The following PDZRN3 variants were observed in gnomAD, a reference collection of about 807,000 sequenced individuals.
The protein encoded by PDZRN3 is E3 ubiquitin-protein ligase PDZRN3.
Under a neutral mutation model 85.7 loss-of-function variants are expected in PDZRN3, and 38 were observed. The ratio of observed to expected loss-of-function variants is 0.44; its 90% CI spans 0.34 to 0.58. The LOEUF (loss-of-function observed/expected upper bound fraction) is 0.58, where lower values mean the gene tolerates loss of function less well. PDZRN3 is among the 20% of genes least tolerant of loss of function. PDZRN3 has a pLI of 0.01. For synonymous variants in PDZRN3, 759 were observed against 638.0 expected (o/e 1.19, Z -2.86); for missense variants, 1,629 against 1,506.4 (o/e 1.08, Z -1.35).
At chr3:73,430,789 G>T (rs1016771758) in intron 3 of PDZRN3, among the ~76,000 whole-genome samples, 3 of 152,124 alleles carry the variant, frequency 2.0e-5, no homozygotes, top group Admixed American at 1.3e-4. Context: ...CAGAACATGA[G>T]ATCTCCTGTG....
intron 3 of PDZRN3, among the ~76,000 whole-genome samples, chr3:73,500,928 T>C (rs1703965658): frequency 6.6e-6 from 1 of 152,180 alleles, no homozygotes; most frequent in Admixed American, 6.5e-5. Context: ...TCTTTTTTTT[T>C]CTTACTTGGT....
In PDZRN3 at chr3:73,391,064, C is replaced by G. The variant is rs563460813; in HGVS notation, c.1307G>C (p.Cys436Ser). The G allele has an allele frequency of 6.2e-7, 1 of 1,613,924 alleles. No homozygotes were observed. Among genetic ancestry groups the G allele is most frequent in the Admixed American group, 1.7e-5 (1 of 60,024 alleles). Residue 436 changes from cysteine (C) to serine (S), a missense_variant, in exon 6 of 10, where the codon TGC becomes TCC. Coordinates refer to ENST00000263666, the MANE Select transcript of PDZRN3 (RefSeq NM_015009.3). ...NSQDKLGLTV[C>S]YRTDDEDDIG... is the part of the protein sequence containing the mutation. The stretch of plus-strand genomic sequence containing the variant: ...GTCGTCTTCATCGTCCGTCCGGTAG[C>G]ACACAGTGAGGCCCAGCTTGTCCTG...
At chr3:73,482,614 A>G (rs1703587268) in intron 3 of PDZRN3, among the ~76,000 whole-genome samples, 2 of 152,154 alleles carry the variant, frequency 1.3e-5, no homozygotes, top group South Asian at 4.1e-4. Context: ...AAAGGTGGCA[A>G]TTCTCCTCTG....
intron 1 of PDZRN3, among the ~76,000 whole-genome samples, chr3:73,615,060 A>T (rs1702740363): frequency 6.6e-6 from 1 of 152,126 alleles, no homozygotes; most frequent in Non-Finnish European, 1.5e-5. Context: ...GAGAGAATGA[A>T]GGGAGACAAA....
chr3:73,409,713 A>C (rs1701927754), intron 3 of PDZRN3, among the ~76,000 whole-genome samples: 2 of 152,168 alleles, frequency 1.3e-5, no homozygotes, highest in Admixed American at 1.3e-4. Context: ...TAGAAATATC[A>C]TGGGTTAAAC....
intron 3 of PDZRN3, among the ~76,000 whole-genome samples, chr3:73,558,591 C>G (rs188959152): frequency 1.4e-4 from 22 of 152,278 alleles, no homozygotes; most frequent in Admixed American, 4.6e-4. Flanking sequence ...TCCTCTTTTT[C>G]CTGTTCGGTC....
At chr3:73,495,218 G>A (rs904488196) in intron 3 of PDZRN3, among the ~76,000 whole-genome samples, 3 of 152,024 alleles carry the variant, frequency 2.0e-5, no homozygotes, top group Non-Finnish European at 2.9e-5. Flanking sequence ...AGCTTCTTTC[G>A]ATAGCAAGAT....
intron 5 of PDZRN3, among the ~76,000 whole-genome samples, chr3:73,393,562 A>G (rs142248093): frequency 6.6e-6 from 1 of 152,306 alleles, no homozygotes; most frequent in African/African-American, 2.4e-5. Context: ...AGTCACACAC[A>G]GTAGGACCGT....
intron 3 of PDZRN3, among the ~76,000 whole-genome samples, chr3:73,409,383 C>G (rs142954822): frequency 2.0e-5 from 3 of 152,180 alleles, no homozygotes; most frequent in Non-Finnish European, 4.4e-5. Context: ...AGAACTAACA[C>G]AAAGCTGGCG....
intron 8 of PDZRN3, among the ~76,000 whole-genome samples, chr3:73,387,675 T>G (rs1435173812): frequency 6.6e-6 from 1 of 152,186 alleles, no homozygotes; most frequent in Non-Finnish European, 1.5e-5. Flanking sequence ...GTCAAATGTC[T>G]TGACGTGACC....
chr3:73,556,776 C>T (rs1321238933), intron 3 of PDZRN3: 1 of 152,278 alleles, frequency 6.6e-6, no homozygotes, highest in Non-Finnish European at 1.5e-5. Context: ...AAGCCAGGAA[C>T]TCCAGTACGT....
intron 3 of PDZRN3, among the ~76,000 whole-genome samples, chr3:73,589,842 C>A (rs1390184106): frequency 1.3e-5 from 2 of 152,230 alleles, no homozygotes; most frequent in East Asian, 3.9e-4. Flanking sequence ...GAGTTACTAA[C>A]GTGAAGCCAA....
intron 1 of PDZRN3, chr3:73,621,931 A>C (rs1490721233): frequency 6.6e-6 from 1 of 152,172 alleles, no homozygotes; most frequent in East Asian, 1.9e-4. Context: ...TTACCCAAAC[A>C]CTCCAGAAAG....
intron 3 of PDZRN3, among the ~76,000 whole-genome samples, chr3:73,471,179 C>T (rs771367441): frequency 5.9e-5 from 9 of 151,984 alleles, no homozygotes; most frequent in Non-Finnish European, 1.3e-4. Context: ...AGAGGGACAA[C>T]GATGTGAAGA....
At chr3:73,557,069 CCTT>C (rs72317120) in intron 3 of PDZRN3, 22,885 of 152,180 alleles carry the variant, frequency 0.15, 1,847 homozygotes, top group African/African-American at 0.2. Context: ...GTTTATCCAT[CCTT>C]CTTTCCCAAT....
chr3:73,564,556 T>G (rs1575739969), intron 3 of PDZRN3, among the ~76,000 whole-genome samples: 2 of 113,658 alleles, frequency 1.8e-5, no homozygotes, highest in African/African-American at 6.7e-5. Context: ...CAGGTCCAAT[T>G]TTCACCTGAT....
chr3:73,618,647 T>C (rs1469375397), intron 1 of PDZRN3, among the ~76,000 whole-genome samples: 1 of 152,256 alleles, frequency 6.6e-6, no homozygotes, highest in East Asian at 1.9e-4. Context: ...GCCTTATAAA[T>C]AGATTCTTAC....
intron 3 of PDZRN3, among the ~76,000 whole-genome samples, chr3:73,419,255 GATT>G (rs1031394464): frequency 1.3e-5 from 2 of 152,160 alleles, no homozygotes; most frequent in African/African-American, 2.4e-5. Flanking sequence ...ACATGACTTT[GATT>G]ATGTCAAATG....
chr3:73,577,642 T>C (rs1702144018), intron 3 of PDZRN3, among the ~76,000 whole-genome samples: 1 of 152,180 alleles, frequency 6.6e-6, no homozygotes, highest in Non-Finnish European at 1.5e-5. Flanking sequence ...CCAAAGTTCC[T>C]TCCTGTGGGA....
Sources: gnomAD v4.1 joint callset for allele counts (sites outside exome capture counted in the v4.1 genomes callset) on GRCh38, gnomAD v4.1.1 for gene constraint, MANE v1.5 for transcripts, NCBI Gene and HGNC (gene_info 2026-07-23, HGNC 2026-07-21) for gene names.